The following EYA3 variants were observed in gnomAD, a reference collection of about 807,000 sequenced individuals.
EYA3 encodes EYA transcriptional coactivator and phosphatase 3.
EYA3 carries 39 observed loss-of-function variants against 80.0 expected under a neutral mutation model. That is an observed-to-expected ratio of 0.49 (90% CI 0.38 to 0.64). EYA3 has a LOEUF of 0.64. EYA3 is among the 30% of genes least tolerant of loss of function. The pLI, the probability that EYA3 is intolerant of heterozygous loss-of-function variation, is 0.00. For missense variants in EYA3, 523 were observed against 676.1 expected (o/e 0.77, Z 2.51); for synonymous variants, 206 against 232.8 (o/e 0.88, Z 1.05).
Position 28,061,890 on chromosome 1 carries a change from C to T in EYA3, c.-68-3796G>A, listed in dbSNP as rs562963695. On this transcript the variant is annotated intron_variant, in intron 1 of 17. Transcript: ENST00000373871. ...CTGGCATTACAGGTGTGAGCCACCG[C>T]GCCCGGTCAACGGTTTTTTTTTGTT... is the stretch of plus-strand genomic sequence containing the variant. 1.2e-4 allele frequency among the ~76,000 whole-genome samples: 18 copies of T among 149,644 alleles called. No homozygotes were observed. The South Asian group carries it at 3.8e-3, about 32-fold the overall frequency.
At chr1:28,029,699 GA>G (rs754729300) in intron 6 of EYA3, among the ~76,000 whole-genome samples, 2 of 151,258 alleles carry the variant, frequency 1.3e-5, no homozygotes, top group Non-Finnish European at 2.9e-5. Context: ...GGGTTCAAGC[GA>G]CTCTCCTGCC....
rs1641856655 is a variant in EYA3 at position 28,013,864 on chromosome 1, A to G, written c.586-570T>C. ...GATCACTTGAGGTCAGGAGTTCAAG[A>G]CCAGCCTGACCAACATGGTGAAACC... On this transcript the variant is annotated intron_variant, in intron 8 of 17. Coordinates refer to ENST00000373871, the MANE Select transcript of EYA3 (RefSeq NM_001990.4). The surrounding 1 kb of genome is among the most constrained non-coding windows in gnomAD (Gnocchi z 4.0). Among the ~76,000 whole-genome samples, 1 of 152,202 alleles carries G rather than the reference A, an allele frequency of 6.6e-6. No individual in the cohort carries two copies.
chr1:28,058,285 G>C (rs1021026887), intron 1 of EYA3, among the ~76,000 whole-genome samples, 191 bp from the exon 2 acceptor site: 2 of 152,128 alleles, frequency 1.3e-5, no homozygotes, highest in African/African-American at 4.8e-5. Context: ...TGTACACAAT[G>C]ACTTTTATAA....
At chr1:28,001,390 GTGTT>G (rs1048591457) in intron 11 of EYA3, among the ~76,000 whole-genome samples, 1 of 151,332 alleles carries the variant, frequency 6.6e-6, no homozygotes, top group Non-Finnish European at 1.5e-5. Context: ...ATGAAGCTTA[GTGTT>G]TGTTTATAAT....
At chr1:28,075,562 T>A (rs1008834661) in intron 1 of EYA3, among the ~76,000 whole-genome samples, 1 of 152,210 alleles carries the variant, frequency 6.6e-6, no homozygotes, top group African/African-American at 2.4e-5. Flanking sequence ...TTCCAGTGGC[T>A]GGTTTTCACC....
chr1:28,013,294 C>A lies in EYA3; in HGVS notation c.586G>T (p.Asp196Tyr). The A allele has an allele frequency of 6.2e-7, 1 of 1,604,016 alleles. No individual in the cohort carries two copies. Among genetic ancestry groups the A allele is most frequent in the Non-Finnish European group, 8.5e-7 (1 of 1,175,034 alleles). ...CCAAGAATAGTATAGGTGGGATAATCCTGCAGGCCAAAGGAAATAAGAAAA... is the reference window on the plus strand; with the variant it reads ...CCAAGAATAGTATAGGTGGGATAATACTGCAGGCCAAAGGAAATAAGAAAA... Reference protein sequence around the residue: ...AAAVASISNQDYPTYTILGQN... With the variant: ...AAAVASISNQYYPTYTILGQN... The change falls in exon 9 of 18, where the codon GAT becomes TAT. Residue 196 changes from aspartate (D) to tyrosine (Y), a missense_variant and splice_region_variant. Transcript: ENST00000373871. This position sits in a 1 kb window ranked among gnomAD's most constrained non-coding sequence, Gnocchi z 4.0.
rs1395070379 is a variant in EYA3, at chr1:28,003,890, T to C, written c.993+446A>G. Among the ~76,000 whole-genome samples, 3 of 152,118 alleles carry C rather than the reference T, an allele frequency of 2.0e-5. No individual in the cohort carries two copies. The East Asian group carries it at 5.8e-4, about 29-fold the overall frequency. On this transcript the variant is annotated intron_variant, in intron 11 of 17. Coordinates refer to ENST00000373871, the MANE Select transcript of EYA3 (RefSeq NM_001990.4). ...TGTATTTAGTTTAAAAAGGGATTAA[T>C]CTATTTTAGAAAGATATTTTATCTA... is the stretch of plus-strand genomic sequence containing the variant.
At position 28,040,437 on chromosome 1, in the gene EYA3, A is replaced by G. The variant is rs532057088; in HGVS notation, c.158-1532T>C. On this transcript the variant is annotated intron_variant, in intron 4 of 17. Coordinates refer to ENST00000373871, the MANE Select transcript of EYA3 (RefSeq NM_001990.4). Reference sequence around the variant, plus strand: ...AAACAGGCAGTCTGATACACAAATGAAATCAGGGGAGAAGTCAGACTGGAA... The same window carrying G: ...AAACAGGCAGTCTGATACACAAATGGAATCAGGGGAGAAGTCAGACTGGAA... Among the ~76,000 whole-genome samples the G allele has an allele frequency of 3.5e-4, 53 of 152,348 alleles. No individual in the cohort carries two copies. The South Asian group carries it at 0.011, about 32-fold the overall frequency.
intron 8 of EYA3, among the ~76,000 whole-genome samples, chr1:28,016,532 T>TAAAAAA (rs11318124): frequency 1.8e-5 from 2 of 113,948 alleles, no homozygotes; most frequent in African/African-American, 3.4e-5. Flanking sequence ...GACTCCATCT[T>TAAAAAA]AAAAAAAAAA....
rs200783980 is a variant in EYA3, at chr1:28,027,778, T to C, written c.499+11A>G. On this transcript the variant is annotated intron_variant, in intron 7 of 17. Coordinates refer to ENST00000373871, the MANE Select transcript of EYA3 (RefSeq NM_001990.4). ...TAATTTTAAAACACACACACAACCA[T>C]GCCTATTTACCTTGAATGGGATAAG... The C allele has an allele frequency of 6.2e-7, 1 of 1,613,902 alleles. No homozygotes were observed. The highest frequency in any genetic ancestry group is 2.2e-5 in the East Asian group (1 of 44,870).
intron 7 of EYA3, among the ~76,000 whole-genome samples, chr1:28,019,729 G>C (rs958784058): frequency 6.6e-6 from 1 of 151,476 alleles, no homozygotes; most frequent in Non-Finnish European, 1.5e-5. Context: ...TTTGAGATGA[G>C]TATCACTCTT....
intron 6 of EYA3, among the ~76,000 whole-genome samples, chr1:28,034,718 C>T (rs1039573465): frequency 6.6e-6 from 1 of 152,190 alleles, no homozygotes; most frequent in African/African-American, 2.4e-5. Context: ...TACATTAATA[C>T]ATCCAGAATC....
In EYA3 at chr1:28,000,836, G is replaced by A. The variant is rs140552138; in HGVS notation, c.994-787C>T. Among the ~76,000 whole-genome samples the A allele has an allele frequency of 4.6e-3, 700 of 152,306 alleles. 5 individuals carry two copies. The highest frequency in any genetic ancestry group is 0.016 in the African/African-American group (670 of 41,576). ...CTAGCACTTTGGGAGTCCAAGGCAG[G>A]TGGACTGCTCGAGCCCAGGAGTTTG... is the stretch of plus-strand genomic sequence containing the variant. On this transcript the variant is annotated intron_variant, in intron 11 of 17. Coordinates refer to ENST00000373871, the MANE Select transcript of EYA3 (RefSeq NM_001990.4).
At chr1:28,019,216 A>C (rs1175645786) in intron 7 of EYA3, among the ~76,000 whole-genome samples, 1 of 152,154 alleles carries the variant, frequency 6.6e-6, no homozygotes, top group Non-Finnish European at 1.5e-5. Flanking sequence ...AAATTTCCTA[A>C]CTATCCAGAG....
At chr1:27,989,458 GT>G (rs1185233994) in intron 15 of EYA3, among the ~76,000 whole-genome samples, 1 of 152,052 alleles carries the variant, frequency 6.6e-6, no homozygotes, top group Non-Finnish European at 1.5e-5. Context: ...TTTTAATTTC[GT>G]GAGCAAAAAG....
At chr1:28,056,558 T>C (rs936698479) in intron 2 of EYA3, among the ~76,000 whole-genome samples, 2 of 152,192 alleles carry the variant, frequency 1.3e-5, no homozygotes, top group Admixed American at 1.3e-4. Context: ...CATAAATCAA[T>C]AAGGAAATAA....
intron 1 of EYA3, among the ~76,000 whole-genome samples, chr1:28,058,870 C>T (rs1236729272): frequency 6.6e-6 from 1 of 152,098 alleles, no homozygotes; most frequent in Admixed American, 6.5e-5. Flanking sequence ...GACAAAGAGA[C>T]AAAAATTAGA....
At chr1:27,986,855 A>T (rs1237208728) in intron 16 of EYA3, among the ~76,000 whole-genome samples, 1 of 152,120 alleles carries the variant, frequency 6.6e-6, no homozygotes, top group Non-Finnish European at 1.5e-5. Flanking sequence ...GGCGAGTGCC[A>T]CCACGCCCAG....
At chr1:28,046,059 G>A (rs1342995920) in intron 3 of EYA3, among the ~76,000 whole-genome samples, 1 of 152,190 alleles carries the variant, frequency 6.6e-6, no homozygotes, top group Non-Finnish European at 1.5e-5. Flanking sequence ...TCACAATCAT[G>A]CAGACAGAAA....
Sources: gnomAD v4.1 joint callset for allele counts (sites outside exome capture counted in the v4.1 genomes callset) on GRCh38, gnomAD v4.1.1 for gene constraint, Gnocchi (gnomAD v3.1) non-coding constraint, MANE v1.5 for transcripts, NCBI Gene and HGNC (gene_info 2026-07-23, HGNC 2026-07-21) for gene names.